Variants in ADAMTS20 observed in about 807,000 individuals in gnomAD.
ADAMTS20 encodes A disintegrin and metalloproteinase with thrombospondin motifs 20.
ADAMTS20 carries 225 observed loss-of-function variants against 260.1 expected under a neutral mutation model. The ratio of observed to expected loss-of-function variants is 0.87; its 90% CI spans 0.78 to 0.97. The LOEUF is 0.97. Among genes scored for constraint, ADAMTS20 ranks in the 50% least tolerant of loss-of-function variants. The pLI, the probability that ADAMTS20 is intolerant of heterozygous loss-of-function variation, is 0.00. For synonymous variants in ADAMTS20, 802 were observed against 769.5 expected (o/e 1.04, Z -0.70); for missense variants, 2,400 against 2,337.7 (o/e 1.03, Z -0.55).
intron 28 of ADAMTS20, among the ~76,000 whole-genome samples, chr12:43,414,362 C>T (rs78867125): frequency 0.011 from 1,649 of 152,194 alleles, 35 homozygotes; most frequent in African/African-American, 0.038. Flanking sequence ...AATAGAAACT[C>T]GTTTACTGTT....
intron 15 of ADAMTS20, 95 bp from the exon 16 acceptor site, chr12:43,443,978 C>CA (rs1364762454): frequency 1.1e-6 from 1 of 919,718 alleles, no homozygotes; most frequent in Non-Finnish European, 1.7e-6. Flanking sequence ...ATAGCATAGT[C>CA]AGACTTAATT....
At chr12:43,533,459 G>A (rs1943254227) in intron 2 of ADAMTS20, among the ~76,000 whole-genome samples, 1 of 98,012 alleles carries the variant, frequency 1.0e-5, no homozygotes, top group Non-Finnish European at 2.2e-5. Flanking sequence ...ACAAACCACT[G>A]CTCAAGGAAA....
intron 31 of ADAMTS20, among the ~76,000 whole-genome samples, chr12:43,380,780 A>T (rs1940333083): frequency 6.6e-6 from 1 of 152,160 alleles, no homozygotes; most frequent in South Asian, 2.1e-4. Context: ...TTCGTAGATA[A>T]GAAGACAGTA....
intron 3 of ADAMTS20, among the ~76,000 whole-genome samples, chr12:43,502,718 T>TA (rs1942786127): frequency 6.6e-6 from 1 of 152,070 alleles, no homozygotes; most frequent in Non-Finnish European, 1.5e-5. Flanking sequence ...AAGTAGAAAA[T>TA]AAAAATATCC....
intron 31 of ADAMTS20, among the ~76,000 whole-genome samples, chr12:43,377,965 C>CATGGCTG (rs1940267407): frequency 6.6e-6 from 1 of 152,082 alleles, no homozygotes; most frequent in East Asian, 1.9e-4. Flanking sequence ...TAAGTTAGCA[C>CATGGCTG]ACATGTATCT....
At chr12:43,503,768 T>C (rs1430621923) in intron 3 of ADAMTS20, among the ~76,000 whole-genome samples, 2 of 152,076 alleles carry the variant, frequency 1.3e-5, no homozygotes, top group African/African-American at 4.8e-5. Flanking sequence ...GGTGTGTCTA[T>C]GTATTCTTGT....
At chr12:43,487,445 G>T (rs1225222418) in intron 7 of ADAMTS20, among the ~76,000 whole-genome samples, 1 of 151,734 alleles carries the variant, frequency 6.6e-6, no homozygotes, top group Non-Finnish European at 1.5e-5. Context: ...GTGGGAGGGG[G>T]GTGAGGAGTG....
chr12:43,404,831 G>A (rs1940881736), intron 28 of ADAMTS20, among the ~76,000 whole-genome samples: 1 of 151,948 alleles, frequency 6.6e-6, no homozygotes, highest in South Asian at 2.1e-4. Context: ...TATTGAGAGG[G>A]AGTTTAAAGA....
chr12:43,479,602 TG>T (rs1294754145), intron 7 of ADAMTS20, among the ~76,000 whole-genome samples: 1 of 152,072 alleles, frequency 6.6e-6, no homozygotes, highest in Non-Finnish European at 1.5e-5. Flanking sequence ...TAAATCATGA[TG>T]GAATTTAAAT....
At chr12:43,390,869 A>C (rs1592043947) in intron 29 of ADAMTS20, among the ~76,000 whole-genome samples, 1 of 152,326 alleles carries the variant, frequency 6.6e-6, no homozygotes, top group East Asian at 1.9e-4. Flanking sequence ...TTTTTCTAGC[A>C]TGCATTTCAA....
intron 6 of ADAMTS20, among the ~76,000 whole-genome samples, chr12:43,492,272 T>A (rs987754281): frequency 1.3e-5 from 2 of 150,956 alleles, no homozygotes; most frequent in East Asian, 3.9e-4. Flanking sequence ...CCCAGCTACT[T>A]GGGAGGCTGA....
rs200030100 is a variant in ADAMTS20, at chr12:43,532,555, G to T, written c.454-360C>A. On this transcript the variant is annotated intron_variant, in intron 2 of 38. Coordinates refer to ENST00000389420, the MANE Select transcript of ADAMTS20 (RefSeq NM_025003.5). ...AAAATAGATACTTTTTTTTTTTAAT[G>T]TTTTTTTTTTTATTATACTCTAAGT... 1.0e-3 allele frequency among the ~76,000 whole-genome samples: 140 copies of T among 137,352 alleles called. 1 individual carries two copies. The highest frequency in any genetic ancestry group is 2.1e-3 in the East Asian group (10 of 4,652). 90.1% of individuals were successfully genotyped at this position (137,352 alleles called of 152,430 possible).
chr12:43,439,594 T>C, intron 18 of ADAMTS20, 28 bp downstream of exon 18: 1 of 1,583,962 alleles, frequency 6.3e-7, no homozygotes, highest in Non-Finnish European at 8.6e-7. Flanking sequence ...ACAGTCAGTC[T>C]TTTCTCCCTT....
At chr12:43,428,023 A>G (rs919391017) in intron 26 of ADAMTS20, among the ~76,000 whole-genome samples, 1 of 152,174 alleles carries the variant, frequency 6.6e-6, no homozygotes, top group Non-Finnish European at 1.5e-5. Context: ...TTTACAGTAC[A>G]TTCCTCTGTA....
intron 29 of ADAMTS20, among the ~76,000 whole-genome samples, chr12:43,388,850 T>C (rs1369110574): frequency 7.9e-5 from 12 of 152,196 alleles, no homozygotes; most frequent in Non-Finnish European, 1.5e-5. Context: ...ATCAAGGTGC[T>C]GGCAGATTCT....
At chr12:43,399,279 A>G in intron 28 of ADAMTS20, 46 bp from the exon 29 acceptor site, 2 of 1,361,190 alleles carry the variant, frequency 1.5e-6, no homozygotes, top group South Asian at 3.8e-5. Context: ...CTTCTTGATT[A>G]ATTTAAGCTT....
intron 3 of ADAMTS20, among the ~76,000 whole-genome samples, chr12:43,513,112 T>C (rs1190382722): frequency 6.6e-6 from 1 of 152,202 alleles, no homozygotes; most frequent in Non-Finnish European, 1.5e-5. Flanking sequence ...AATCTGATAC[T>C]GTCCTTTCAT....
intron 7 of ADAMTS20, among the ~76,000 whole-genome samples, chr12:43,479,394 T>G (rs1322255958): frequency 2.6e-5 from 4 of 152,148 alleles, no homozygotes. Flanking sequence ...TACATTCTTT[T>G]AAAGTATACA....
rs140874600 is a variant in ADAMTS20 at position 43,544,387 on chromosome 12, G to A, written c.453+6522C>T. Among the ~76,000 whole-genome samples the A allele has an allele frequency of 9.5e-3, 1,441 of 152,250 alleles. 26 individuals are homozygous for A. Among genetic ancestry groups the A allele is most frequent in the African/African-American group, 0.032 (1,328 of 41,536 alleles). On this transcript the variant is annotated intron_variant, in intron 2 of 38. Coordinates refer to ENST00000389420, the MANE Select transcript of ADAMTS20 (RefSeq NM_025003.5). ...CTGCTTATCTTACTCATAATGTGTT[G>A]CTCAACATGTGTTGAGCAATTCTAT...
Sources: gnomAD v4.1 joint callset for allele counts (sites outside exome capture counted in the v4.1 genomes callset) on GRCh38, gnomAD v4.1.1 for gene constraint, MANE v1.5 for transcripts, NCBI Gene and HGNC (gene_info 2026-07-23, HGNC 2026-07-21) for gene names.